ABHD2: variants seen among roughly 807,000 people sequenced by gnomAD.
The protein encoded by ABHD2 is abhydrolase domain containing 2, acylglycerol lipase.
Under a neutral mutation model 48.1 loss-of-function variants are expected in ABHD2, and 20 were observed. That is an observed-to-expected ratio of 0.42 (90% CI 0.29 to 0.60). The LOEUF is 0.60. Among genes scored for constraint, ABHD2 ranks in the 20% least tolerant of loss-of-function variants. ABHD2 has a pLI of 0.24. For synonymous variants in ABHD2, 209 were observed against 214.2 expected (o/e 0.98, Z 0.21); for missense variants, 405 against 550.9 (o/e 0.74, Z 2.65).
chr15:89,073,645 C>G, the ABHD2 span, among the ~76,000 whole-genome samples: 1 of 152,216 alleles, frequency 6.6e-6, no homozygotes, highest in South Asian at 2.1e-4. Context: ...CTAGTGGCCT[C>G]ACGCACTACT....
rs1032584217 is a variant in ABHD2, at chr15:89,184,918, G to A, written c.723-506G>A. On this transcript the variant is annotated intron_variant, in intron 6 of 10. Transcript: ENST00000352732. The surrounding 1 kb of genome is among the most constrained non-coding windows in gnomAD (Gnocchi z 5.1). ...ATGGTATAAGGCTAATCAAAAGATAGATGTATTTGGAGGAGATCCCAGTTA... is the reference window on the plus strand; with the variant it reads ...ATGGTATAAGGCTAATCAAAAGATAAATGTATTTGGAGGAGATCCCAGTTA... Among the ~76,000 whole-genome samples the A allele has an allele frequency of 1.3e-5, 2 of 152,220 alleles. No individual in the cohort carries two copies. Among genetic ancestry groups the A allele is most frequent in the Non-Finnish European group, 2.9e-5 (2 of 68,038 alleles).
chr15:89,183,384 AATATATATATATAT>A (rs1555433648), intron 6 of ABHD2: 9 of 46,270 alleles, frequency 1.9e-4, no homozygotes, highest in African/African-American at 5.5e-4. Context: ...AAAAAAAAAA[AATATATATATATAT>A]ATATATATAT....
chr15:89,078,244 C>G, the ABHD2 span, among the ~76,000 whole-genome samples: 7 of 152,204 alleles, frequency 4.6e-5, no homozygotes, highest in Non-Finnish European at 8.8e-5. Context: ...ATCTCTTCTA[C>G]CTGGCTCCAA....
chr15:89,061,398 A>C, the ABHD2 span, among the ~76,000 whole-genome samples: 1 of 152,082 alleles, frequency 6.6e-6, no homozygotes, highest in African/African-American at 2.4e-5. Flanking sequence ...AGCCTAAGCA[A>C]CAAGAGCAAA....
intron 3 of ABHD2, among the ~76,000 whole-genome samples, chr15:89,139,446 T>C (rs1163868377): frequency 1.3e-5 from 2 of 152,220 alleles, no homozygotes; most frequent in Non-Finnish European, 2.9e-5. Flanking sequence ...GTATTCATCA[T>C]GCATCCTACC....
the ABHD2 span, among the ~76,000 whole-genome samples, chr15:89,048,964 C>T: frequency 1.5e-4 from 23 of 150,704 alleles, no homozygotes; most frequent in Non-Finnish European, 1.5e-4. Flanking sequence ...AGGCGCTCTG[C>T]TTTTTAGAGT....
the ABHD2 span, among the ~76,000 whole-genome samples, chr15:89,070,525 T>G: frequency 6.6e-6 from 1 of 152,098 alleles, no homozygotes; most frequent in Non-Finnish European, 1.5e-5. Context: ...AACTAAGAAG[T>G]CTAGTTATCA....
At position 89,088,628 on chromosome 15, in the gene ABHD2, C is replaced by T. The variant is rs1455089301; in HGVS notation, c.-107+65C>T. 6.6e-6 allele frequency: 1 copy of T among 152,336 alleles called. No individual in the cohort carries two copies. Among genetic ancestry groups the T allele is most frequent in the Non-Finnish European group, 1.5e-5 (1 of 68,100 alleles). 9.4% of individuals were successfully genotyped at this position (152,336 alleles called of 1,614,324 possible). A position where few individuals can be genotyped will look rare whatever the true frequency, so the allele number is the denominator to read the frequency against. Reference sequence around the variant, plus strand: ...GCACCCCGGACCCGTCGAACCGAATCTCCGAGCCCCGAGGTCCCCGGCGTA... The same window carrying T: ...GCACCCCGGACCCGTCGAACCGAATTTCCGAGCCCCGAGGTCCCCGGCGTA... On this transcript the variant is annotated intron_variant, in intron 1 of 10. Transcript: ENST00000352732. This position sits in a 1 kb window ranked among gnomAD's most constrained non-coding sequence, Gnocchi z 6.8.
intron 8 of ABHD2, among the ~76,000 whole-genome samples, chr15:89,190,340 T>G (rs1249780299): frequency 6.6e-6 from 1 of 152,250 alleles, no homozygotes; most frequent in Admixed American, 6.5e-5. Context: ...TCATTCATGC[T>G]GAGCACTGAA....
At chr15:89,121,673 G>A (rs1439024017) in intron 3 of ABHD2, among the ~76,000 whole-genome samples, 3 of 152,004 alleles carry the variant, frequency 2.0e-5, no homozygotes, top group Admixed American at 6.6e-5. Flanking sequence ...GCCAGCAGCC[G>A]AGGCATGAAC....
At chr15:89,152,301 G>A (rs1287855351) in intron 4 of ABHD2, among the ~76,000 whole-genome samples, 1 of 152,032 alleles carries the variant, frequency 6.6e-6, no homozygotes, top group Non-Finnish European at 1.5e-5. Flanking sequence ...GGATGGTCTC[G>A]ATCTCCTGAC....
chr15:89,136,075 C>T (rs1239836087), intron 3 of ABHD2: 29 of 200,698 alleles, frequency 1.4e-4, no homozygotes, highest in African/African-American at 4.1e-4. Flanking sequence ...TACAGACGCC[C>T]GCCACCATGC....
rs78721755 is a variant in ABHD2, at chr15:89,176,204, G to A, written c.722+209G>A. Among the ~76,000 whole-genome samples the A allele has an allele frequency of 2.3e-3, 354 of 152,222 alleles. No homozygotes were observed. Among genetic ancestry groups the A allele is most frequent in the African/African-American group, 2.5e-3 (104 of 41,522 alleles). ...CCTTAAGCCTGGGATATGCAGCTGC[G>A]TTTTGGGGTCAGATCTGTAATTGGA... is the stretch of plus-strand genomic sequence containing the variant. On this transcript the variant is annotated intron_variant, in intron 6 of 10. Coordinates refer to ENST00000352732, the MANE Select transcript of ABHD2 (RefSeq NM_152924.5). This position sits in a 1 kb window ranked among gnomAD's most constrained non-coding sequence, Gnocchi z 4.5.
chr15:89,071,531 G>A, the ABHD2 span, among the ~76,000 whole-genome samples: 1 of 152,206 alleles, frequency 6.6e-6, no homozygotes, highest in Non-Finnish European at 1.5e-5. Flanking sequence ...ACAGCATGCA[G>A]TTTATACAGT....
At position 89,188,004 on chromosome 15, in the gene ABHD2, A is replaced by G. The variant is rs1352449243; in HGVS notation, c.816-189A>G. ...TCTTTAGTTTGTCTGGGTACCCCTG[A>G]AAAGGGAAATAAGGTTTTGACATTA... On this transcript the variant is annotated intron_variant, in intron 7 of 10. Transcript: ENST00000352732. This position sits in a 1 kb window ranked among gnomAD's most constrained non-coding sequence, Gnocchi z 4.1. Among the ~76,000 whole-genome samples the G allele has an allele frequency of 6.6e-6, 1 of 152,202 alleles. No individual in the cohort carries two copies. Among genetic ancestry groups the G allele is most frequent in the Non-Finnish European group, 1.5e-5 (1 of 68,030 alleles).
Position 89,175,655 on chromosome 15 carries a change from C to G in ABHD2, c.539-157C>G, listed in dbSNP as rs1386132300. Among the ~76,000 whole-genome samples, 6 of 152,272 alleles carry G rather than the reference C, an allele frequency of 3.9e-5. No homozygotes were observed. The East Asian group carries it at 1.2e-3, about 29-fold the overall frequency. On this transcript the variant is annotated intron_variant, in intron 5 of 10. Coordinates refer to ENST00000352732, the MANE Select transcript of ABHD2 (RefSeq NM_152924.5). The surrounding 1 kb of genome is among the most constrained non-coding windows in gnomAD (Gnocchi z 5.7). ...GCCAAAGAGCAGTGTCTGTCTCTCTCTCCACACACATCCCCCGACACACAC... is the reference window on the plus strand; with the variant it reads ...GCCAAAGAGCAGTGTCTGTCTCTCTGTCCACACACATCCCCCGACACACAC...
chr15:89,096,686 A>C (rs2049618765), intron 1 of ABHD2, among the ~76,000 whole-genome samples: 1 of 152,214 alleles, frequency 6.6e-6, no homozygotes, highest in Admixed American at 6.5e-5. Context: ...GGACCCTGAA[A>C]GTGATAAAGT....
intron 9 of ABHD2, 49 bp downstream of exon 9, chr15:89,191,198 G>C (rs770986059): frequency 3.8e-6 from 6 of 1,581,848 alleles, no homozygotes; most frequent in East Asian, 2.2e-5. Flanking sequence ...ACCCAGCCTC[G>C]CACACAATAC....
intron 3 of ABHD2, among the ~76,000 whole-genome samples, chr15:89,149,115 T>A (rs1369666761): frequency 6.6e-6 from 1 of 152,130 alleles, no homozygotes; most frequent in Non-Finnish European, 1.5e-5. Flanking sequence ...TATCAGTAGG[T>A]ATTGTCATAA....
Sources: allele counts gnomAD v4.1 joint callset (sites outside exome capture counted in the v4.1 genomes callset), GRCh38; gene constraint gnomAD v4.1.1; non-coding constraint Gnocchi (gnomAD v3.1); transcripts MANE v1.5; gene names NCBI Gene and HGNC (gene_info 2026-07-23, HGNC 2026-07-21).